MRM1: variants seen among roughly 807,000 people sequenced by gnomAD.
MRM1 encodes the protein rRNA methyltransferase 1, mitochondrial.
A neutral mutation model predicts 25.0 loss-of-function variants in MRM1; 24 were observed. The ratio of observed to expected loss-of-function variants is 0.96; its 90% confidence interval spans 0.69 to 1.35. The LOEUF (loss-of-function observed/expected upper bound fraction) is 1.35. Among genes scored for constraint, MRM1 ranks in the 40% most tolerant of loss-of-function variants. MRM1 has a pLI of 0.00. For synonymous variants in MRM1, 188 were observed against 199.2 expected, an observed-to-expected ratio of 0.94 and a Z score of 0.47; for missense variants, 431 against 464.1, an observed-to-expected ratio of 0.93 and a Z score of 0.65.
chr17:36,623,755 G>A, the MRM1 span, among the ~76,000 whole-genome samples: 1 of 152,186 alleles, frequency 6.6e-6, no homozygotes, highest in Admixed American at 6.5e-5. Context: ...CTCACTTGAG[G>A]CTTGTTGGGA....
chr17:36,626,025 C>T, the MRM1 span, among the ~76,000 whole-genome samples: 1 of 151,030 alleles, frequency 6.6e-6, no homozygotes, highest in Non-Finnish European at 1.5e-5. Context: ...CCTCTGGTTG[C>T]ACAGCTGTTC....
At chr17:36,614,663 G>A in the MRM1 span, among the ~76,000 whole-genome samples, 3 of 152,160 alleles carry the variant, frequency 2.0e-5, no homozygotes, top group Non-Finnish European at 2.9e-5. Flanking sequence ...GGATGCCCAA[G>A]GCAAGATGCT....
Position 36,603,172 on chromosome 17 carries a change from C to A in MRM1, c.636+526C>A, listed in dbSNP as rs548363334. The A allele has an allele frequency of 6.7e-5, 66 of 982,614 alleles. No individual in the cohort carries two copies. The African/African-American group carries it at 1.1e-3, about 17-fold the overall frequency. 60.9% of individuals were successfully genotyped at this position (982,614 alleles called of 1,614,324 possible). ...ATGGAATCCCCTCTGACCATACCCC[C>A]CCCAACCCCCACCCCAACTGCAGGG... On this transcript the variant is annotated intron_variant, in intron 2 of 4. Transcript: ENST00000614766.
the MRM1 span, among the ~76,000 whole-genome samples, chr17:36,621,519 C>T: frequency 1.3e-5 from 2 of 152,212 alleles, no homozygotes; most frequent in Non-Finnish European, 2.9e-5. Flanking sequence ...CTCAGCCCTG[C>T]ACCTTGTGCC....
chr17:36,626,717 G>T, the MRM1 span, among the ~76,000 whole-genome samples: 1 of 152,162 alleles, frequency 6.6e-6, no homozygotes. Context: ...CTGTCTTTCA[G>T]AGACTGGAAA....
Position 36,602,825 on chromosome 17 carries a change from A to G in MRM1, c.636+179A>G. ...TTTTTAAAACGGCAAATGGAGCATT[A>G]GCTGAATTCTTCCTAGCGTTATACC... On this transcript the variant is annotated intron_variant, in intron 2 of 4. Transcript: ENST00000614766. The surrounding 1 kb of genome is among the most constrained non-coding windows in gnomAD (Gnocchi z 4.1). 1 of 746,876 alleles carries G rather than the reference A, an allele frequency of 1.3e-6. No homozygotes were observed. Among genetic ancestry groups the G allele is most frequent in the Non-Finnish European group, 1.6e-6 (1 of 612,520 alleles). 46.3% of individuals were successfully genotyped at this position (746,876 alleles called of 1,614,324 possible). A position where few individuals can be genotyped will look rare whatever the true frequency, so the allele number is the denominator to read the frequency against.
the MRM1 span, among the ~76,000 whole-genome samples, chr17:36,630,003 C>A: frequency 6.6e-6 from 1 of 152,194 alleles, no homozygotes; most frequent in African/African-American, 2.4e-5. Context: ...GACCCAGGCA[C>A]AGGACCTAAA....
Position 36,607,663 on chromosome 17 carries a change from C to G in MRM1, c.637-7C>G, listed in dbSNP as rs776374156. ...AGAATTAGAACATATCTTCTTCCCCCTTTCAGACCAAAGCCCAGCAGGGCT... is the reference window on the plus strand; with the variant it reads ...AGAATTAGAACATATCTTCTTCCCCGTTTCAGACCAAAGCCCAGCAGGGCT... On this transcript the variant is annotated splice_polypyrimidine_tract_variant and splice_region_variant and intron_variant, in intron 2 of 4. Transcript: ENST00000614766. 6.2e-7 allele frequency: 1 copy of G among 1,607,902 alleles called. No individual in the cohort carries two copies. The highest frequency in any genetic ancestry group is 1.3e-5 in the African/African-American group (1 of 74,424).
chr17:36,611,432 G>A (rs17138329), downstream of MRM1, among the ~76,000 whole-genome samples: 9,363 of 152,112 alleles, frequency 0.062, 489 homozygotes, highest in African/African-American at 0.13. Flanking sequence ...TGAGAGTATC[G>A]GTAAAAGATG....
downstream of MRM1, among the ~76,000 whole-genome samples, chr17:36,610,523 C>T (rs192596865): frequency 1.9e-3 from 288 of 152,184 alleles, 2 homozygotes; most frequent in East Asian, 0.019. Context: ...TGAGCCACTG[C>T]GCCCGGCCTA....
At chr17:36,633,108 T>C in the MRM1 span, among the ~76,000 whole-genome samples, 1 of 152,202 alleles carries the variant, frequency 6.6e-6, no homozygotes, top group Non-Finnish European at 1.5e-5. Flanking sequence ...TTGCTCCCTG[T>C]GGGTGGCTTG....
In MRM1 at chr17:36,608,319, C is replaced by T. The variant is rs199649309; in HGVS notation, c.966C>T (p.Asp322=). Residue 322 remains aspartate (D), a synonymous_variant, in exon 5 of 5, where the codon GAC becomes GAT. Coordinates refer to ENST00000614766, the MANE Select transcript of MRM1 (RefSeq NM_024864.5). The stretch of plus-strand genomic sequence containing the variant: ...GGGAGAGAAGGCAGCTTCTCCAAGA[C>T]CCCCAAGAACCCTCAGCCAGGTCTG... ...TEGERRQLLQ[D]PQEPSARSEG... The T allele has an allele frequency of 2.7e-5, 44 of 1,610,384 alleles. No individual in the cohort carries two copies. Among genetic ancestry groups the T allele is most frequent in the Non-Finnish European group, 3.2e-5 (38 of 1,178,324 alleles).
intron 2 of MRM1, among the ~76,000 whole-genome samples, chr17:36,607,103 G>A (rs1354279606): frequency 1.3e-5 from 2 of 151,548 alleles, no homozygotes; most frequent in African/African-American, 4.8e-5. Context: ...TAGTAGAGAC[G>A]GGGTTTCTCC....
chr17:36,622,910 T>G, the MRM1 span, among the ~76,000 whole-genome samples: 1 of 152,178 alleles, frequency 6.6e-6, no homozygotes, highest in African/African-American at 2.4e-5. Flanking sequence ...GTGATCTGGT[T>G]GTAGGCCGAG....
the MRM1 span, among the ~76,000 whole-genome samples, chr17:36,627,674 GTTTTTTTTTTTT>G: frequency 1.2e-5 from 1 of 83,728 alleles, no homozygotes; most frequent in Non-Finnish European, 2.2e-5. Context: ...TTTGGACACT[GTTTTTTTTTTTT>G]TTTTTTTTTT....
chr17:36,634,692 G>T, the MRM1 span: 12 of 152,220 alleles, frequency 7.9e-5, no homozygotes, highest in Non-Finnish European at 1.2e-4. Context: ...GCTGTATTTT[G>T]TTCAAATTAC....
chr17:36,627,111 G>A, the MRM1 span, among the ~76,000 whole-genome samples: 18 of 152,200 alleles, frequency 1.2e-4, no homozygotes, highest in African/African-American at 4.1e-4. Flanking sequence ...CTCCAGGATG[G>A]ACCCCCTGCG....
At chr17:36,609,437 G>T (rs2074960813), downstream of MRM1, among the ~76,000 whole-genome samples, 1 of 152,218 alleles carries the variant, frequency 6.6e-6, no homozygotes, top group East Asian at 1.9e-4. Context: ...TAGGGCAGGT[G>T]GACTCAAATT....
At chr17:36,605,489 G>A (rs1057420855) in intron 2 of MRM1, among the ~76,000 whole-genome samples, 4 of 151,350 alleles carry the variant, frequency 2.6e-5, no homozygotes, top group Admixed American at 6.6e-5. Context: ...TCTCTTTTCT[G>A]TATATGTTCA....
Sources: gnomAD v4.1 joint callset for allele counts (sites outside exome capture counted in the v4.1 genomes callset) on GRCh38, gnomAD v4.1.1 for gene constraint, Gnocchi (gnomAD v3.1) non-coding constraint, MANE v1.5 for transcripts, NCBI Gene and HGNC (gene_info 2026-07-23, HGNC 2026-07-21) for gene names.